ZCWPW2: variants seen among roughly 807,000 people sequenced by gnomAD.
ZCWPW2 encodes zinc finger CW-type PWWP domain protein 2.
ZCWPW2 carries 45 observed loss-of-function variants against 46.6 expected under a neutral mutation model. The observed-to-expected ratio is 0.96, with a 90% CI of 0.76 to 1.24. The LOEUF (loss-of-function observed/expected upper bound fraction) is 1.24, where lower values mean the gene tolerates loss of function less well. Ranked by LOEUF, ZCWPW2 falls within the 50% of genes most tolerant of loss-of-function variation. The pLI, the probability that ZCWPW2 is intolerant of heterozygous loss-of-function variation, is 0.00. For synonymous variants in ZCWPW2, 152 were observed against 137.1 expected, an observed-to-expected ratio of 1.11 and a Z score of -0.76; for missense variants, 429 against 403.9, an observed-to-expected ratio of 1.06 and a Z score of -0.53.
chr3:28,396,085 A>C (rs894190820), intron 2 of ZCWPW2, among the ~76,000 whole-genome samples: 2 of 152,124 alleles, frequency 1.3e-5, no homozygotes, highest in Admixed American at 1.3e-4. Flanking sequence ...GTCAGTAGAG[A>C]GTTTTTGAGG....
At chr3:28,471,955 A>G (rs1425850196) in intron 4 of ZCWPW2, among the ~76,000 whole-genome samples, 1 of 152,160 alleles carries the variant, frequency 6.6e-6, no homozygotes. Context: ...AAAAATAAAT[A>G]AAACAGTAAT....
intron 7 of ZCWPW2, among the ~76,000 whole-genome samples, 183 bp downstream of exon 7, chr3:28,514,305 C>G (rs985496023): frequency 2.0e-5 from 3 of 151,914 alleles, no homozygotes; most frequent in African/African-American, 7.3e-5. Flanking sequence ...GATTTGGATG[C>G]CTACCTCCTA....
intron 1 of ZCWPW2, among the ~76,000 whole-genome samples, chr3:28,371,132 G>A (rs1705320785): frequency 6.6e-6 from 1 of 151,958 alleles, no homozygotes; most frequent in Non-Finnish European, 1.5e-5. Context: ...TCGTAGTATT[G>A]ATAAATGTAT....
At chr3:28,442,086 A>G (rs942540182) in intron 4 of ZCWPW2, among the ~76,000 whole-genome samples, 22 of 152,336 alleles carry the variant, frequency 1.4e-4, no homozygotes, top group African/African-American at 5.3e-4. Flanking sequence ...GACCTGTTGC[A>G]TAGCCTTCTC....
intron 8 of ZCWPW2, among the ~76,000 whole-genome samples, chr3:28,520,614 G>A (rs1331685026): frequency 6.6e-6 from 1 of 152,098 alleles, no homozygotes. Context: ...GGCTCCCAAA[G>A]CCTGAAATAT....
intron 6 of ZCWPW2, among the ~76,000 whole-genome samples, chr3:28,506,396 A>G (rs1275925179): frequency 6.6e-6 from 1 of 151,996 alleles, no homozygotes; most frequent in Non-Finnish European, 1.5e-5. Flanking sequence ...TTGCATTTCT[A>G]TCAAGCTAAT....
chr3:28,355,108 C>T lies in ZCWPW2; in HGVS notation c.-134+5905C>T, dbSNP rs141045812. On this transcript the variant is annotated intron_variant, in intron 1 of 9. Coordinates refer to ENST00000383768, the MANE Select transcript of ZCWPW2 (RefSeq NM_001040432.4). ...TGATTGTATATCTAGAAAACCCTAT[C>T]GTCTCAGCCCAAAATCTCCTTAAGC... is the stretch of plus-strand genomic sequence containing the variant. Among the ~76,000 whole-genome samples the T allele has an allele frequency of 3.2e-3, 484 of 152,252 alleles. 3 individuals carry two copies. The highest frequency in any genetic ancestry group is 6.8e-3 in the Middle Eastern group (2 of 294).
Position 28,459,149 on chromosome 3 carries a change from T to TC in ZCWPW2, c.493-19664dup, listed in dbSNP as rs1698533934. Among the ~76,000 whole-genome samples the TC allele has an allele frequency of 2.0e-5, 3 of 152,066 alleles. No individual in the cohort carries two copies. In the South Asian group the frequency reaches 6.2e-4, roughly 31 times the overall value. On this transcript the variant is annotated intron_variant, in intron 4 of 9. Transcript: ENST00000383768. ...ACTTTGGGAGGCCATGGCGGGTGGA[T>TC]CATGAGGTCAGGAGATTGAGACCAT...
intron 1 of ZCWPW2, among the ~76,000 whole-genome samples, chr3:28,375,976 C>A (rs34975926): frequency 0.026 from 3,989 of 152,142 alleles, 155 homozygotes; most frequent in African/African-American, 0.085. Context: ...GGATCTCATT[C>A]TTTTTTTTAT....
At chr3:28,426,367 C>G (rs1697012095) in intron 3 of ZCWPW2, among the ~76,000 whole-genome samples, 1 of 151,590 alleles carries the variant, frequency 6.6e-6, no homozygotes, top group African/African-American at 2.4e-5. Context: ...AGAAACTAGG[C>G]TCTGTTATGG....
At chr3:28,463,951 G>T (rs1698731181) in intron 4 of ZCWPW2, among the ~76,000 whole-genome samples, 1 of 151,526 alleles carries the variant, frequency 6.6e-6, no homozygotes, top group Non-Finnish European at 1.5e-5. Flanking sequence ...AGAAGTAAAG[G>T]GAAGGGAAGG....
intron 1 of ZCWPW2, among the ~76,000 whole-genome samples, chr3:28,374,038 G>A (rs1705424337): frequency 6.6e-6 from 1 of 151,976 alleles, no homozygotes; most frequent in Non-Finnish European, 1.5e-5. Flanking sequence ...CTGTGCTTTT[G>A]CTGTCTTATG....
Position 28,512,169 on chromosome 3 carries a change from A to C in ZCWPW2, c.658-1895A>C, listed in dbSNP as rs561709952. On this transcript the variant is annotated intron_variant, in intron 6 of 9. Transcript: ENST00000383768. ...CATGGGCTTTTACAAATTGACATGA[A>C]AAATTCTTTTTTTTTTTTTCTTTCT... Among the ~76,000 whole-genome samples, 10 of 152,008 alleles carry C rather than the reference A, an allele frequency of 6.6e-5. 1 individual carries two copies. In the South Asian group the frequency reaches 2.1e-3, roughly 32 times the overall value.
chr3:28,443,415 AATTG>A (rs1697849132), intron 4 of ZCWPW2, among the ~76,000 whole-genome samples: 1 of 152,124 alleles, frequency 6.6e-6, no homozygotes, highest in South Asian at 2.1e-4. Flanking sequence ...CAAGTCTGGA[AATTG>A]ATTGAGGGGG....
intron 6 of ZCWPW2, among the ~76,000 whole-genome samples, chr3:28,506,732 G>C (rs769145514): frequency 1.8e-4 from 27 of 151,902 alleles, no homozygotes; most frequent in Non-Finnish European, 2.4e-4. Flanking sequence ...TTTTCCATTT[G>C]TGATAATTTG....
chr3:28,481,073 G>C (rs528613109), intron 5 of ZCWPW2, among the ~76,000 whole-genome samples: 1 of 151,944 alleles, frequency 6.6e-6, no homozygotes, highest in African/African-American at 2.4e-5. Flanking sequence ...CACCATGTTG[G>C]CCAGGCTGGT....
intron 3 of ZCWPW2, among the ~76,000 whole-genome samples, chr3:28,429,598 G>T (rs1697160751): frequency 6.6e-6 from 1 of 152,192 alleles, no homozygotes; most frequent in African/African-American, 2.4e-5. Flanking sequence ...GAAGCCAAAT[G>T]TTAATCACCA....
At chr3:28,413,962 G>A (rs986025338) in intron 3 of ZCWPW2, among the ~76,000 whole-genome samples, 3 of 151,926 alleles carry the variant, frequency 2.0e-5, no homozygotes, top group Admixed American at 2.0e-4. Context: ...TTAGATTTAT[G>A]TAGATTTATT....
chr3:28,395,033 T>G (rs917911455), intron 2 of ZCWPW2, among the ~76,000 whole-genome samples: 7 of 152,124 alleles, frequency 4.6e-5, no homozygotes, highest in Non-Finnish European at 1.0e-4. Flanking sequence ...ATCCAAAATT[T>G]GTAAGGAATT....
Sources: gnomAD v4.1 joint callset for allele counts (sites outside exome capture counted in the v4.1 genomes callset) on GRCh38, gnomAD v4.1.1 for gene constraint, MANE v1.5 for transcripts, NCBI Gene and HGNC (gene_info 2026-07-23, HGNC 2026-07-21) for gene names.